Variants in VPS50 observed in about 807,000 individuals in gnomAD.
The protein encoded by VPS50 is syndetin.
In VPS50, 70 loss-of-function variants were observed where a neutral mutation model predicts 139.7. That is an observed-to-expected ratio of 0.50 (90% CI 0.41 to 0.61). The LOEUF (loss-of-function observed/expected upper bound fraction) is 0.61. Ranked by LOEUF, VPS50 falls within the 20% of genes least tolerant of loss-of-function variation. The probability of loss-of-function intolerance (pLI) is 0.00; values close to 1 mark genes in which losing one functional copy is unlikely to be tolerated. For synonymous variants in VPS50, 365 were observed against 376.7 expected (o/e 0.97, Z 0.36); for missense variants, 921 against 1,133.7 (o/e 0.81, Z 2.69).
chr7:93,280,807 C>T (rs1459975563), intron 12 of VPS50, among the ~76,000 whole-genome samples: 3 of 151,880 alleles, frequency 2.0e-5, no homozygotes, highest in Non-Finnish European at 4.4e-5. Context: ...TGTTCATTTC[C>T]AAATCATCTT....
At position 93,302,027 on chromosome 7, in the gene VPS50, G is replaced by A. The variant is rs1796991074; in HGVS notation, c.1362-1433G>A. Among the ~76,000 whole-genome samples the A allele has an allele frequency of 2.6e-5, 4 of 152,126 alleles. 1 individual carries two copies. The highest frequency in any genetic ancestry group is 2.6e-4 in the Admixed American group (4 of 15,268). ...TTGATGACTAATGATGTTTAGCATC[G>A]TTTAAGGTGCTCATTGGCCTTTTGT... On this transcript the variant is annotated intron_variant, in intron 16 of 27. Transcript: ENST00000305866.
intron 12 of VPS50, among the ~76,000 whole-genome samples, chr7:93,278,640 T>A (rs181463435): frequency 6.6e-6 from 1 of 150,450 alleles, no homozygotes; most frequent in East Asian, 1.9e-4. Context: ...TTTGAAGTAG[T>A]TGTGTATATA....
chr7:93,240,662 G>C (rs924508770), intron 2 of VPS50, among the ~76,000 whole-genome samples: 9 of 152,182 alleles, frequency 5.9e-5, no homozygotes, highest in Middle Eastern at 3.4e-3. Flanking sequence ...GTCTGTTTTT[G>C]TATTTTTTAA....
chr7:93,298,378 A>G (rs952031002), intron 16 of VPS50, among the ~76,000 whole-genome samples: 2 of 152,206 alleles, frequency 1.3e-5, no homozygotes, highest in Non-Finnish European at 2.9e-5. Flanking sequence ...GGCTGGCCCT[A>G]TAAACATTCC....
rs17782358 is a variant in VPS50 at position 93,237,664 on chromosome 7, A to G, written c.34-2202A>G. 2.4e-3 allele frequency among the ~76,000 whole-genome samples: 367 copies of G among 152,284 alleles called. 5 individuals are homozygous for G. In the East Asian group the frequency reaches 0.05, roughly 21 times the overall value. On this transcript the variant is annotated intron_variant, in intron 1 of 27. Transcript: ENST00000305866. ...CTATACAGATGGTCCCCGATTTACT[A>G]TGGTTTCACTTAATGAATTTTTGAG...
In VPS50 at chr7:93,331,619, C is replaced by A. The variant is rs539871935; in HGVS notation, c.1978-2498C>A. Among the ~76,000 whole-genome samples the A allele has an allele frequency of 4.6e-5, 7 of 151,992 alleles. No homozygotes were observed. The East Asian group carries it at 1.4e-3, about 29-fold the overall frequency. On this transcript the variant is annotated intron_variant, in intron 21 of 27. Coordinates refer to ENST00000305866, the MANE Select transcript of VPS50 (RefSeq NM_017667.4). Reference sequence around the variant, plus strand: ...TTGTTTGTAAGACCTAAAGAAGTTCCAAAACTATGAAACTTCTAGAAAAAA... The same window carrying A: ...TTGTTTGTAAGACCTAAAGAAGTTCAAAAACTATGAAACTTCTAGAAAAAA...
intron 23 of VPS50, among the ~76,000 whole-genome samples, chr7:93,345,406 AGGAACT>A (rs2117072071): frequency 6.6e-6 from 1 of 152,312 alleles, no homozygotes; most frequent in African/African-American, 2.4e-5. Context: ...AGGTACAAGG[AGGAACT>A]GGTACCATTC....
chr7:93,341,442 C>T lies in VPS50; in HGVS notation c.2074C>T (p.Pro692Ser). 6.2e-7 allele frequency: 1 copy of T among 1,608,556 alleles called. No homozygotes were observed. Among genetic ancestry groups the T allele is most frequent in the Non-Finnish European group, 8.5e-7 (1 of 1,178,082 alleles). Reference sequence around the variant, plus strand: ...GTATTTTCAGGAAGTTTCAGCTGATCCTACTGCCACACTCACAGCAGCAGA... The same window carrying T: ...GTATTTTCAGGAAGTTTCAGCTGATTCTACTGCCACACTCACAGCAGCAGA... ...SLIDLEVSAD[P>S]TATLTAAEER... Residue 692 changes from proline to serine, a missense_variant, in exon 23 of 28, where the codon CCT becomes TCT. Pro to Ser is a moderately conservative substitution (Grantham distance 74). Around this residue, in one of 3 missense-constraint regions of VPS50, gnomAD observed 744 missense variants for 930.6 expected, o/e 0.80. Transcript: ENST00000305866.
intron 9 of VPS50, among the ~76,000 whole-genome samples, chr7:93,260,798 C>T (rs566779437): frequency 3.6e-4 from 55 of 152,106 alleles, no homozygotes; most frequent in Admixed American, 8.5e-4. Context: ...TGGGTTCAAG[C>T]GATTCTCCTG....
At chr7:93,263,723 G>GT (rs1388799468) in intron 9 of VPS50, among the ~76,000 whole-genome samples, 1 of 152,108 alleles carries the variant, frequency 6.6e-6, no homozygotes, top group African/African-American at 2.4e-5. Context: ...TCTATATCTT[G>GT]TAAGTCTCAG....
At chr7:93,238,277 G>T (rs1157201522) in intron 1 of VPS50, among the ~76,000 whole-genome samples, 2 of 150,648 alleles carry the variant, frequency 1.3e-5, no homozygotes, top group Admixed American at 6.6e-5. Context: ...TCATTGAAAG[G>T]CATATTAAAC....
At position 93,296,647 on chromosome 7, in the gene VPS50, G is replaced by A. The variant is rs1796819868; in HGVS notation, c.1168-95G>A. 5 of 1,506,986 alleles carry A rather than the reference G, an allele frequency of 3.3e-6. No homozygotes were observed. In the Admixed American group the frequency reaches 1.2e-4, roughly 38 times the overall value. The allele number at this position is 1,506,986 out of a possible 1,614,324, so 93.4% of individuals were successfully genotyped here. On this transcript the variant is annotated intron_variant, in intron 14 of 27. Coordinates refer to ENST00000305866, the MANE Select transcript of VPS50 (RefSeq NM_017667.4). ...GTTAACAAATTAGGAATATATTCCT[G>A]TCTCATTTTAATCTGGAACTATAGA...
At chr7:93,287,363 C>G (rs1796519860) in intron 12 of VPS50, among the ~76,000 whole-genome samples, 1 of 150,932 alleles carries the variant, frequency 6.6e-6, no homozygotes, top group Non-Finnish European at 1.5e-5. Context: ...GTGTGTATAT[C>G]TCATCCAAAC....
Position 93,232,478 on chromosome 7 carries a change from T to C in VPS50, c.11T>C (p.Ile4Thr), listed in dbSNP as rs1794660925. The C allele has an allele frequency of 6.2e-7, 1 of 1,613,326 alleles. No individual in the cohort carries two copies. Among genetic ancestry groups the C allele is most frequent in the Non-Finnish European group, 8.5e-7 (1 of 1,179,654 alleles). The change falls in exon 1 of 28, where the codon ATC becomes ACC. Residue 4 changes from isoleucine (I) to threonine (T), a missense_variant. Physicochemically the swap from Ile to Thr is moderately conservative, Grantham distance 89. Transcript: ENST00000305866. ...CCTCAGGATTTCGATATGCAAAAAA[T>C]CAAATCTCTCATGACCCGACAGGTA... MQKIKSLMTRQGLK... is the reference protein window; with the variant it reads MQKTKSLMTRQGLK...
At chr7:93,315,248 C>T (rs1463342431) in intron 20 of VPS50, among the ~76,000 whole-genome samples, 2 of 151,832 alleles carry the variant, frequency 1.3e-5, no homozygotes, top group Non-Finnish European at 2.9e-5. Context: ...GGATTTCATT[C>T]TTTTTTCCTA....
At chr7:93,315,475 A>G (rs1797399027) in intron 20 of VPS50, among the ~76,000 whole-genome samples, 2 of 152,172 alleles carry the variant, frequency 1.3e-5, no homozygotes, top group Admixed American at 6.5e-5. Flanking sequence ...GACATTCTCA[A>G]TTTACCAATG....
At chr7:93,344,451 G>T (rs1798325749) in intron 23 of VPS50, among the ~76,000 whole-genome samples, 1 of 152,114 alleles carries the variant, frequency 6.6e-6, no homozygotes, top group Non-Finnish European at 1.5e-5. Context: ...GGATACCCAG[G>T]AATTGAACTC....
chr7:93,334,316 T>A (rs1338780717), intron 22 of VPS50, 119 bp downstream of exon 22: 1 of 646,438 alleles, frequency 1.5e-6, no homozygotes, highest in African/African-American at 1.8e-5. Context: ...CAGAATTAAA[T>A]GAGTGCATAT....
rs148371080 is a variant in VPS50 at position 93,270,111 on chromosome 7, G to A, written c.660-1109G>A. 1.2e-3 allele frequency among the ~76,000 whole-genome samples: 180 copies of A among 151,294 alleles called. 1 individual carries two copies. Among genetic ancestry groups the A allele is most frequent in the African/African-American group, 4.2e-3 (172 of 41,322 alleles). On this transcript the variant is annotated intron_variant, in intron 9 of 27. Transcript: ENST00000305866. ...GTGAGATAAAATTCAAATAATGTTA[G>A]TTCTATTGATTTTTTTTTTTTACTG...
Sources: gnomAD v4.1 joint callset for allele counts (sites outside exome capture counted in the v4.1 genomes callset) on GRCh38, gnomAD v4.1.1 for gene constraint, gnomAD v4.1.1 regional missense constraint, MANE v1.5 for transcripts, NCBI Gene and HGNC (gene_info 2026-07-23, HGNC 2026-07-21) for gene names.